CKM: variants seen among roughly 807,000 people sequenced by gnomAD.
The protein encoded by CKM is creatine kinase M-type.
A neutral mutation model predicts 35.4 loss-of-function variants in CKM; 28 were observed. That is an observed-to-expected ratio of 0.79 (90% confidence interval 0.59 to 1.08). The LOEUF (loss-of-function observed/expected upper bound fraction) is 1.08. CKM is among the 50% of genes least tolerant of loss of function. The pLI is 0.00. For synonymous variants in CKM, 215 were observed against 204.4 expected (o/e 1.05, Z -0.44); for missense variants, 484 against 509.8 (o/e 0.95, Z 0.49).
intron 5 of CKM, 90 bp from the exon 6 acceptor site, chr19:45,308,622 G>A (rs1971078549): frequency 1.2e-5 from 18 of 1,564,174 alleles, no homozygotes; most frequent in Non-Finnish European, 1.5e-5. Flanking sequence ...GCCCACCGAT[G>A]GGGGAAGAGG....
At chr19:45,322,104 C>T (rs577764915) in intron 1 of CKM, among the ~76,000 whole-genome samples, 1 of 152,208 alleles carries the variant, frequency 6.6e-6, no homozygotes, top group Non-Finnish European at 1.5e-5. Flanking sequence ...GTCCAGGCCT[C>T]GGGGCTCAAG....
intron 4 of CKM, among the ~76,000 whole-genome samples, chr19:45,312,826 C>T (rs141769430): frequency 2.6e-5 from 4 of 151,788 alleles, no homozygotes; most frequent in East Asian, 3.9e-4. Context: ...TGGTGGCACA[C>T]GCCTGTAATC....
chr19:45,317,675 G>T, intron 3 of CKM, 150 bp downstream of exon 3: 1 of 871,002 alleles, frequency 1.1e-6, no homozygotes, highest in Non-Finnish European at 1.8e-6. Flanking sequence ...GCTCGCCTCA[G>T]CCTCCCAATG....
chr19:45,308,660 C>T (rs1443767509), intron 5 of CKM, 128 bp from the exon 6 acceptor site: 25 of 1,193,966 alleles, frequency 2.1e-5, no homozygotes, highest in Non-Finnish European at 3.0e-5. Context: ...TGGGTGGCAT[C>T]TGCCTCCTCA....
chr19:45,313,883 A>C (rs564456587), intron 4 of CKM, among the ~76,000 whole-genome samples: 144 of 152,166 alleles, frequency 9.5e-4, no homozygotes, highest in Non-Finnish European at 1.3e-3. Flanking sequence ...ACTGCTGGCC[A>C]GGCACTGTGG....
chr19:45,313,782 G>A (rs1971131507), intron 4 of CKM, among the ~76,000 whole-genome samples: 1 of 152,202 alleles, frequency 6.6e-6, no homozygotes, highest in African/African-American at 2.4e-5. Context: ...CGAGGTGGAG[G>A]TAACAGTAAG....
intron 3 of CKM, among the ~76,000 whole-genome samples, chr19:45,315,905 G>A (rs1971154040): frequency 6.7e-6 from 1 of 149,888 alleles, no homozygotes; most frequent in Non-Finnish European, 1.5e-5. Flanking sequence ...GTGCAGTGGT[G>A]CCATCATAGC....
chr19:45,315,456 G>A lies in CKM; in HGVS notation c.481+9C>T. ...TGACCCCAGCAGTGGACGGGGTAGG[G>A]GCGCTCACCTTCCACAGAGAGCTTC... On this transcript the variant is annotated intron_variant, in intron 4 of 7. Transcript: ENST00000221476. 1 of 1,598,358 alleles carries A rather than the reference G, an allele frequency of 6.3e-7. No homozygotes were observed. The highest frequency in any genetic ancestry group is 8.5e-7 in the Non-Finnish European group (1 of 1,179,340).
At chr19:45,321,802 G>A (rs1367676401) in intron 1 of CKM, among the ~76,000 whole-genome samples, 2 of 152,026 alleles carry the variant, frequency 1.3e-5, no homozygotes, top group Admixed American at 6.6e-5. Context: ...GAAAGGAGAA[G>A]GGACCCAGAA....
intron 5 of CKM, 73 bp from the exon 6 acceptor site, chr19:45,308,605 A>C (rs1971078354): frequency 2.5e-6 from 4 of 1,594,280 alleles, no homozygotes; most frequent in Admixed American, 1.7e-5. Flanking sequence ...CCTCCCCCAA[A>C]ACATCTGCCC....
intron 5 of CKM, among the ~76,000 whole-genome samples, chr19:45,309,046 C>T (rs558895538): frequency 6.5e-4 from 97 of 148,592 alleles, no homozygotes; most frequent in African/African-American, 1.8e-3. Flanking sequence ...GCTAACACGT[C>T]GAAACCCTGT....
At chr19:45,318,126 G>A in intron 2 of CKM, 147 bp from the exon 3 acceptor site, 2 of 665,368 alleles carry the variant, frequency 3.0e-6, no homozygotes, top group East Asian at 2.7e-5. Flanking sequence ...GAATCATAAG[G>A]GTTGGGCACA....
intron 7 of CKM, 103 bp from the exon 8 acceptor site, chr19:45,307,031 A>G (rs1971059617): frequency 5.2e-6 from 6 of 1,150,820 alleles, no homozygotes; most frequent in South Asian, 1.2e-5. Context: ...GTGAGTGCCT[A>G]CTGTGTAACA....
chr19:45,311,801 GCGGGGACA>G lies in CKM; in HGVS notation c.593_600del (p.Val198AlafsTer21). The G allele has an allele frequency of 6.2e-7, 1 of 1,609,646 alleles. No homozygotes were observed. The highest frequency in any genetic ancestry group is 8.5e-7 in the Non-Finnish European group (1 of 1,178,092). On this transcript the variant is annotated frameshift_variant, in exon 5 of 8. Coordinates refer to ENST00000221476, the MANE Select transcript of CKM (RefSeq NM_001824.5). LOFTEE classifies it high-confidence loss of function. ...CGGGCCATGCCTGAGGCCAGCAGCAGCGGGGACACGGGCTTGTCGAACAGGAAGTGGTC... is the reference window on the plus strand; with the variant it reads ...CGGGCCATGCCTGAGGCCAGCAGCAGCGGGCTTGTCGAACAGGAAGTGGTC...
chr19:45,317,285 T>G (rs1019385570), intron 3 of CKM, among the ~76,000 whole-genome samples: 1 of 152,016 alleles, frequency 6.6e-6, no homozygotes, highest in Non-Finnish European at 1.5e-5. Flanking sequence ...TTTATTTTAT[T>G]TATTTATTTA....
chr19:45,317,758 C>A, intron 3 of CKM, 67 bp downstream of exon 3: 1 of 1,525,852 alleles, frequency 6.6e-7, no homozygotes, highest in African/African-American at 1.4e-5. Flanking sequence ...TCTCTGTCTC[C>A]CCCCATTTCT....
At chr19:45,316,401 C>T (rs548156961) in intron 3 of CKM, among the ~76,000 whole-genome samples, 13 of 151,204 alleles carry the variant, frequency 8.6e-5, no homozygotes, top group African/African-American at 1.7e-4. Context: ...TGGGCTCAAA[C>T]AGTCCTCCTG....
chr19:45,316,727 A>T (rs902079440), intron 3 of CKM, among the ~76,000 whole-genome samples: 1 of 149,872 alleles, frequency 6.7e-6, no homozygotes, highest in African/African-American at 2.5e-5. Context: ...GCCTTCTCTG[A>T]TGCTCCCTTC....
At chr19:45,310,513 C>T (rs1223682987) in intron 5 of CKM, among the ~76,000 whole-genome samples, 1 of 152,096 alleles carries the variant, frequency 6.6e-6, no homozygotes, top group African/African-American at 2.4e-5. Flanking sequence ...TATCCTATAG[C>T]TAGGAAACTG....
Sources: gnomAD v4.1 joint callset for allele counts (sites outside exome capture counted in the v4.1 genomes callset) on GRCh38, gnomAD v4.1.1 for gene constraint, MANE v1.5 for transcripts, NCBI Gene and HGNC (gene_info 2026-07-23, HGNC 2026-07-21) for gene names.